CCDC192: variants seen among roughly 807,000 people sequenced by gnomAD.
The protein encoded by CCDC192 is coiled-coil domain-containing protein 192.
At chr5:127,816,818 A>G (rs1749046700) in intron 5 of CCDC192, among the ~76,000 whole-genome samples, 1 of 152,232 alleles carries the variant, frequency 6.6e-6, no homozygotes, top group Non-Finnish European at 1.5e-5. Context: ...AAAGTGTTCA[A>G]AGATGGTTGG....
chr5:127,742,474 A>G (rs1312645708), intron 2 of CCDC192, among the ~76,000 whole-genome samples: 1 of 152,196 alleles, frequency 6.6e-6, no homozygotes, highest in Non-Finnish European at 1.5e-5. Flanking sequence ...ATAAGTTGAT[A>G]TAGAATACAG....
intron 3 of CCDC192, among the ~76,000 whole-genome samples, chr5:127,757,796 ACACTCTCT>A (rs1395602461): frequency 0.01 from 1,071 of 106,596 alleles, 14 homozygotes; most frequent in African/African-American, 0.033. Flanking sequence ...ACACACACAC[ACACTCTCT>A]CTCTCTCTCT....
intron 3 of CCDC192, among the ~76,000 whole-genome samples, chr5:127,757,798 A>ACTCT (rs112955117): frequency 8.5e-6 from 1 of 117,242 alleles, no homozygotes; most frequent in Admixed American, 7.9e-5. Flanking sequence ...ACACACACAC[A>ACTCT]CTCTCTCTCT....
At chr5:127,930,634 A>G (rs1007304305) in intron 6 of CCDC192, among the ~76,000 whole-genome samples, 1 of 152,204 alleles carries the variant, frequency 6.6e-6, no homozygotes, top group African/African-American at 2.4e-5. Context: ...AGTCTTCTCA[A>G]CCTTACCAAG....
chr5:127,785,954 A>G, intron 3 of CCDC192: 1 of 522,612 alleles, frequency 1.9e-6, no homozygotes, highest in South Asian at 2.0e-5. Context: ...TTCTGTACAT[A>G]CATTTTGGGG....
chr5:127,715,693 A>G (rs1751588358), intron 2 of CCDC192, among the ~76,000 whole-genome samples: 3 of 152,194 alleles, frequency 2.0e-5, no homozygotes, highest in Non-Finnish European at 4.4e-5. Flanking sequence ...TTTTAACAAT[A>G]TTAATATATG....
chr5:127,806,395 C>A (rs1757781720), intron 5 of CCDC192, among the ~76,000 whole-genome samples: 1 of 152,070 alleles, frequency 6.6e-6, no homozygotes, highest in South Asian at 2.1e-4. Context: ...CCACCTGTAC[C>A]AATTCCTGCC....
At chr5:127,839,252 T>C (rs1750169251) in intron 5 of CCDC192, among the ~76,000 whole-genome samples, 1 of 152,200 alleles carries the variant, frequency 6.6e-6, no homozygotes, top group African/African-American at 2.4e-5. Context: ...CAAGAGGAAG[T>C]AGATGACCAT....
intron 6 of CCDC192, among the ~76,000 whole-genome samples, chr5:127,891,915 A>G (rs1443600408): frequency 6.6e-6 from 1 of 152,152 alleles, no homozygotes; most frequent in Non-Finnish European, 1.5e-5. Context: ...ATTTCTTCCC[A>G]TTGGACCACA....
chr5:127,831,527 G>T (rs1317306951), intron 5 of CCDC192, among the ~76,000 whole-genome samples: 2 of 152,030 alleles, frequency 1.3e-5, no homozygotes, highest in Non-Finnish European at 2.9e-5. Context: ...GTGTGTGTGT[G>T]TTTTTTAAGT....
At chr5:127,757,392 CTT>C (rs1298750212) in intron 3 of CCDC192, among the ~76,000 whole-genome samples, 3 of 152,108 alleles carry the variant, frequency 2.0e-5, no homozygotes, top group Non-Finnish European at 4.4e-5. Flanking sequence ...TTTTAATTAA[CTT>C]GAGCATTTTA....
intron 5 of CCDC192, among the ~76,000 whole-genome samples, chr5:127,862,303 TG>T (rs1047349074): frequency 6.6e-6 from 1 of 152,210 alleles, no homozygotes; most frequent in Admixed American, 6.5e-5. Flanking sequence ...CCTCCCCATC[TG>T]CAACATTCTG....
intron 5 of CCDC192, among the ~76,000 whole-genome samples, chr5:127,814,319 T>TA (rs1352894694): frequency 1.3e-5 from 2 of 152,234 alleles, no homozygotes; most frequent in Non-Finnish European, 2.9e-5. Flanking sequence ...CATTAAGCAT[T>TA]AAAAACAAGT....
intron 5 of CCDC192, among the ~76,000 whole-genome samples, chr5:127,848,877 A>G (rs192030578): frequency 2.8e-3 from 424 of 152,342 alleles, no homozygotes; most frequent in African/African-American, 9.6e-3. Context: ...GATAAACTAT[A>G]TAAAAGGAGC....
chr5:127,766,608 T>TAAAAAAAAAAAAAA (rs548715145), intron 3 of CCDC192, among the ~76,000 whole-genome samples: 2 of 98,954 alleles, frequency 2.0e-5, no homozygotes, highest in African/African-American at 3.9e-5. Flanking sequence ...ACGTCCTGTG[T>TAAAAAAAAAAAAAA]AAAAAAAAAA....
chr5:127,731,265 A>G (rs1013264459), intron 2 of CCDC192, among the ~76,000 whole-genome samples: 2 of 152,302 alleles, frequency 1.3e-5, no homozygotes, highest in South Asian at 2.1e-4. Context: ...CCTGTTCACA[A>G]TTGCTAGAAA....
intron 6 of CCDC192, among the ~76,000 whole-genome samples, chr5:127,905,870 A>G (rs1298833553): frequency 6.6e-6 from 1 of 152,238 alleles, no homozygotes; most frequent in African/African-American, 2.4e-5. Context: ...GCAGAAATTA[A>G]CTAATTTATG....
chr5:127,721,206 C>T (rs11241938), intron 2 of CCDC192, among the ~76,000 whole-genome samples: 56,685 of 152,038 alleles, frequency 0.37, 11,179 homozygotes, highest in East Asian at 0.65. Context: ...CAGTTTCAGA[C>T]CATTTCTTTG....
At chr5:127,788,466 T>G (rs1479589891) in intron 3 of CCDC192, among the ~76,000 whole-genome samples, 6 of 152,314 alleles carry the variant, frequency 3.9e-5, no homozygotes, top group African/African-American at 1.4e-4. Flanking sequence ...ACTTTAAAAT[T>G]TATTCTGCTA....
Sources: gnomAD v4.1 joint callset for allele counts (sites outside exome capture counted in the v4.1 genomes callset) on GRCh38, gnomAD v4.1.1 for gene constraint, MANE v1.5 for transcripts, NCBI Gene and HGNC (gene_info 2026-07-23, HGNC 2026-07-21) for gene names.